The following DNM3 variants were observed in gnomAD, a reference collection of about 807,000 sequenced individuals.
DNM3 encodes the protein dynamin 3.
A neutral mutation model predicts 101.6 loss-of-function variants in DNM3; 47 were observed. The ratio of observed to expected loss-of-function variants is 0.46; its 90% CI spans 0.37 to 0.59. The LOEUF is 0.59. DNM3 is among the 20% of genes least tolerant of loss of function. The pLI, the probability that DNM3 is intolerant of heterozygous loss-of-function variation, is 0.00. For missense variants in DNM3, 849 were observed against 1,085.7 expected (o/e 0.78, Z 3.06); for synonymous variants, 385 against 387.9 (o/e 0.99, Z 0.09).
chr1:172,395,232 G>A (rs917965936), intron 20 of DNM3, among the ~76,000 whole-genome samples: 7 of 150,606 alleles, frequency 4.6e-5, no homozygotes, highest in South Asian at 2.1e-4. Flanking sequence ...GTGCAGTGGC[G>A]TGGTCTCGGC....
intron 13 of DNM3, among the ~76,000 whole-genome samples, chr1:172,124,711 G>A (rs553147397): frequency 1.2e-4 from 18 of 152,308 alleles, no homozygotes; most frequent in South Asian, 8.3e-4. Flanking sequence ...CCCAGAGCAC[G>A]GAATGGCACT....
chr1:172,388,705 A>T lies in DNM3; in HGVS notation c.2418A>T (p.Pro806=), dbSNP rs1322419359. ...PGPHSGAPPV[P]FRPGPLPPFP... ...CCCACTCTGGGGCTCCTCCAGTCCC[A>T]TTCCGTCCAGGCCCATTACCTCCTT... The change falls in exon 20 of 21, where the codon CCA becomes CCT. Residue 806 remains proline (P), a synonymous_variant. Transcript: ENST00000627582. 6.2e-7 allele frequency: 1 copy of T among 1,613,802 alleles called. No homozygotes were observed. The highest frequency in any genetic ancestry group is 2.2e-5 in the East Asian group (1 of 44,844).
At chr1:171,938,436 G>C (rs548711463) in intron 2 of DNM3, among the ~76,000 whole-genome samples, 1 of 152,244 alleles carries the variant, frequency 6.6e-6, no homozygotes, top group East Asian at 1.9e-4. Flanking sequence ...TCCCCATGGA[G>C]TGTCAGACAG....
rs558710820 is a variant in DNM3, at chr1:172,300,310, G to A, written c.1770-8418G>A. On this transcript the variant is annotated intron_variant, in intron 15 of 20. Transcript: ENST00000627582. Reference sequence around the variant, plus strand: ...TAGACCTTTGTTTGATGCATAATTTGTAAATATTTTCTCCCGTTCTGTAGG... The same window carrying A: ...TAGACCTTTGTTTGATGCATAATTTATAAATATTTTCTCCCGTTCTGTAGG... Among the ~76,000 whole-genome samples, 12 of 152,184 alleles carry A rather than the reference G, an allele frequency of 7.9e-5. No individual in the cohort carries two copies. The South Asian group carries it at 2.3e-3, about 29-fold the overall frequency.
At chr1:172,252,228 G>A (rs1317348185) in intron 14 of DNM3, among the ~76,000 whole-genome samples, 4 of 152,048 alleles carry the variant, frequency 2.6e-5, no homozygotes, top group African/African-American at 9.7e-5. Context: ...GTTCACACGT[G>A]ACTTTATTTT....
At chr1:172,054,613 G>GA (rs201859721) in intron 10 of DNM3, among the ~76,000 whole-genome samples, 1,625 of 149,734 alleles carry the variant, frequency 0.011, 33 homozygotes, top group African/African-American at 0.038. Flanking sequence ...TTCTTGTTTA[G>GA]AAAAAAAAAG....
intron 14 of DNM3, among the ~76,000 whole-genome samples, chr1:172,215,548 A>T (rs76776238): frequency 0.03 from 4,589 of 152,200 alleles, 99 homozygotes; most frequent in South Asian, 0.051. Context: ...AATCAGGGAA[A>T]TCAGAGGCAG....
downstream of DNM3, among the ~76,000 whole-genome samples, chr1:172,417,711 C>A (rs1407748439): frequency 6.6e-6 from 1 of 152,188 alleles, no homozygotes; most frequent in Non-Finnish European, 1.5e-5. Flanking sequence ...ATTTACAAAT[C>A]CTTTTTTTCT....
At chr1:171,928,922 A>C (rs2040790520) in intron 2 of DNM3, among the ~76,000 whole-genome samples, 1 of 152,186 alleles carries the variant, frequency 6.6e-6, no homozygotes, top group South Asian at 2.1e-4. Flanking sequence ...ATCACCAGTG[A>C]AGGCTGCAAA....
chr1:172,073,400 T>C (rs1036345930), intron 11 of DNM3, among the ~76,000 whole-genome samples: 1 of 152,132 alleles, frequency 6.6e-6, no homozygotes, highest in Non-Finnish European at 1.5e-5. Context: ...TAGGTATATA[T>C]GTGTATATAG....
chr1:172,280,267 T>C (rs1236982046), intron 15 of DNM3, among the ~76,000 whole-genome samples: 2 of 152,216 alleles, frequency 1.3e-5, no homozygotes, highest in Admixed American at 1.3e-4. Flanking sequence ...TCTGTTCTTT[T>C]ATCCTGCTCT....
At chr1:172,184,464 T>C (rs1047197567) in intron 14 of DNM3, among the ~76,000 whole-genome samples, 10 of 152,090 alleles carry the variant, frequency 6.6e-5, no homozygotes, top group African/African-American at 2.4e-4. Context: ...TTTTTAGAAA[T>C]TGAGAAATTT....
At chr1:172,302,058 G>A (rs568472143) in intron 15 of DNM3, among the ~76,000 whole-genome samples, 9 of 152,288 alleles carry the variant, frequency 5.9e-5, no homozygotes, top group East Asian at 1.9e-4. Flanking sequence ...CACAGAGGAC[G>A]AGCCAAAGCA....
chr1:171,872,522 C>A (rs148904598), intron 1 of DNM3, among the ~76,000 whole-genome samples: 129 of 152,150 alleles, frequency 8.5e-4, no homozygotes, highest in African/African-American at 3.0e-3. Flanking sequence ...TATTCTTAGG[C>A]GCAAATTGTT....
chr1:172,407,897 TTG>T lies in DNM3; in HGVS notation c.*57_*58del. On this transcript the variant is annotated 3_prime_UTR_variant, in exon 21 of 21. Coordinates refer to ENST00000627582, the MANE Select transcript of DNM3 (RefSeq NM_015569.5). Reference sequence around the variant, plus strand: ...AATGAATTATGCGAAAGCAACATATTTGATAACCGTTGCAGTAAATCATGAGT... The same window carrying T: ...AATGAATTATGCGAAAGCAACATATTATAACCGTTGCAGTAAATCATGAGT... The T allele has an allele frequency of 6.2e-7, 1 of 1,611,152 alleles. No individual in the cohort carries two copies. Among genetic ancestry groups the T allele is most frequent in the Non-Finnish European group, 8.5e-7 (1 of 1,178,060 alleles).
Position 172,408,737 on chromosome 1 carries a change from T to C in DNM3, c.*896T>C. ...GATACTAACTCCAGTTTTACTATTA[T>C]TATTTTGGTTGGAAAAAAAATTCAC... On this transcript the variant is annotated 3_prime_UTR_variant, in exon 21 of 21. Transcript: ENST00000627582. 3 of 985,012 alleles carry C rather than the reference T, an allele frequency of 3.0e-6. No individual in the cohort carries two copies. Among genetic ancestry groups the C allele is most frequent in the Non-Finnish European group, 3.6e-6 (3 of 829,554 alleles). The allele number at this position is 985,012 out of a possible 1,614,324, so 61.0% of individuals were successfully genotyped here.
At chr1:172,377,576 A>G (rs898229855) in intron 17 of DNM3, among the ~76,000 whole-genome samples, 1 of 135,538 alleles carries the variant, frequency 7.4e-6, no homozygotes, top group Admixed American at 7.3e-5. Flanking sequence ...ATATATATAT[A>G]TATATTTCAT....
intron 2 of DNM3, among the ~76,000 whole-genome samples, chr1:171,944,612 G>A (rs959452369): frequency 1.3e-5 from 2 of 151,802 alleles, no homozygotes; most frequent in African/African-American, 2.4e-5. Flanking sequence ...TGAGCTCAGC[G>A]ATCCACCTGC....
At chr1:172,126,958 G>A (rs1228464243) in intron 13 of DNM3, among the ~76,000 whole-genome samples, 1 of 152,096 alleles carries the variant, frequency 6.6e-6, no homozygotes, top group Non-Finnish European at 1.5e-5. Flanking sequence ...CATCACGTGT[G>A]CAAAGTGCTG....
Sources: allele counts gnomAD v4.1 joint callset (sites outside exome capture counted in the v4.1 genomes callset), GRCh38; gene constraint gnomAD v4.1.1; transcripts MANE v1.5; gene names NCBI Gene and HGNC (gene_info 2026-07-23, HGNC 2026-07-21).